NAV3: variants seen among roughly 807,000 people sequenced by gnomAD.
NAV3 encodes the protein pore membrane and/or filament interacting like protein 1.
In NAV3, 87 loss-of-function variants were observed where a neutral mutation model predicts 244.7. That is an observed-to-expected ratio of 0.36 (90% CI 0.30 to 0.42). The LOEUF (loss-of-function observed/expected upper bound fraction) is 0.42, where lower values mean the gene tolerates loss of function less well. Among genes scored for constraint, NAV3 ranks in the 20% least tolerant of loss-of-function variants. The pLI, the probability that NAV3 is intolerant of heterozygous loss-of-function variation, is 1.00. For synonymous variants in NAV3, 1,126 were observed against 1,042.2 expected (o/e 1.08, Z -1.55); for missense variants, 2,663 against 2,893.3 (o/e 0.92, Z 1.83).
intron 1 of NAV3, among the ~76,000 whole-genome samples, chr12:77,833,698 C>T (rs1333661356): frequency 6.6e-6 from 1 of 152,212 alleles, no homozygotes; most frequent in African/African-American, 2.4e-5. Context: ...TCTGGGTTCT[C>T]GCCTTGGTTC....
chr12:78,197,459 C>T, intron 35 of NAV3, 58 bp downstream of exon 35: 3 of 1,344,860 alleles, frequency 2.2e-6, no homozygotes, highest in Non-Finnish European at 3.0e-6. Context: ...TCAAATTTGC[C>T]TTCTTGTACC....
chr12:77,799,793 A>C (rs946128542), intron 2 of NAV3, among the ~76,000 whole-genome samples: 16 of 152,194 alleles, frequency 1.1e-4, no homozygotes, highest in African/African-American at 3.9e-4. Flanking sequence ...GTACCATATC[A>C]CAAATGTTAC....
At chr12:77,994,935 T>G in intron 6 of NAV3, 64 bp downstream of exon 6, 3 of 1,224,784 alleles carry the variant, frequency 2.4e-6, no homozygotes, top group African/African-American at 1.5e-5. Context: ...CAGTGATATT[T>G]TGTCCTATCT....
chr12:78,101,065 T>A (rs1357344834), intron 12 of NAV3, among the ~76,000 whole-genome samples: 2 of 152,164 alleles, frequency 1.3e-5, no homozygotes, highest in Admixed American at 1.3e-4. Context: ...ATTTGGAGTG[T>A]TAGAATGAGG....
At chr12:77,858,924 A>G (rs113413089) in intron 1 of NAV3, among the ~76,000 whole-genome samples, 3 of 152,160 alleles carry the variant, frequency 2.0e-5, no homozygotes, top group Admixed American at 6.5e-5. Flanking sequence ...ATGATTTCCT[A>G]CTGAGGGAGA....
At chr12:78,088,637 T>A (rs944876178) in intron 12 of NAV3, 1 of 152,134 alleles carries the variant, frequency 6.6e-6, no homozygotes, top group Non-Finnish European at 1.5e-5. Flanking sequence ...TAAGCAAACC[T>A]CTAATCCGGA....
intron 2 of NAV3, among the ~76,000 whole-genome samples, chr12:77,761,981 T>A (rs1198994238): frequency 9.3e-6 from 1 of 107,474 alleles, no homozygotes; most frequent in Non-Finnish European, 1.9e-5. Flanking sequence ...TGCACACATA[T>A]GTTTTTTCAC....
chr12:78,176,596 C>A, intron 26 of NAV3, 137 bp downstream of exon 26: 1 of 801,928 alleles, frequency 1.2e-6, no homozygotes, highest in Non-Finnish European at 2.0e-6. Context: ...TGTGTCTTTT[C>A]ATTTTAATCT....
At chr12:77,970,600 A>G (rs552695103) in intron 5 of NAV3, among the ~76,000 whole-genome samples, 2 of 152,258 alleles carry the variant, frequency 1.3e-5, no homozygotes, top group East Asian at 3.9e-4. Flanking sequence ...GATATTTTTT[A>G]TTATAAAATA....
chr12:77,821,760 A>G (rs898102665), intron 2 of NAV3, among the ~76,000 whole-genome samples: 30 of 152,276 alleles, frequency 2.0e-4, no homozygotes, highest in African/African-American at 6.7e-4. Context: ...ACATCTCAAC[A>G]TTTTTGGCCG....
At chr12:78,104,640 T>C (rs1954709919) in intron 12 of NAV3, among the ~76,000 whole-genome samples, 2 of 152,188 alleles carry the variant, frequency 1.3e-5, no homozygotes, top group Non-Finnish European at 2.9e-5. Context: ...ATCCAAACAA[T>C]AATCTTCCAG....
At chr12:77,646,290 G>T (rs952011673) in intron 2 of NAV3, among the ~76,000 whole-genome samples, 5 of 152,134 alleles carry the variant, frequency 3.3e-5, no homozygotes, top group Non-Finnish European at 5.9e-5. Context: ...TCTAAAGCAC[G>T]CTATATAATT....
intron 9 of NAV3, among the ~76,000 whole-genome samples, chr12:78,044,306 C>CA (rs1241001949): frequency 5.3e-5 from 8 of 152,082 alleles, no homozygotes; most frequent in South Asian, 4.2e-4. Flanking sequence ...GTTTTGGTAC[C>CA]AGTACCATGC....
At chr12:77,736,357 C>T (rs1360675764) in intron 2 of NAV3, among the ~76,000 whole-genome samples, 3 of 152,190 alleles carry the variant, frequency 2.0e-5, no homozygotes, top group Non-Finnish European at 4.4e-5. Flanking sequence ...ATTTTCAAAA[C>T]AGTATCATTT....
Position 77,786,093 on chromosome 12 carries a change from C to T in NAV3, c.73-154226C>T, listed in dbSNP as rs1870892137. 1.3e-5 allele frequency among the ~76,000 whole-genome samples: 2 copies of T among 152,086 alleles called. 1 individual carries two copies. The highest frequency in any genetic ancestry group is 4.1e-4 in the South Asian group (2 of 4,828). ...CCCATGAAGTCTTTCCAGTAAAAAT[C>T]CTTGCAGTTAAGATTTTTGCCAAAT... On this transcript the variant is annotated intron_variant, in intron 2 of 8. Transcript: ENST00000550042.
At chr12:77,827,500 T>G, upstream of NAV3, among the ~76,000 whole-genome samples, 1 of 152,154 alleles carries the variant, frequency 6.6e-6, no homozygotes, top group Non-Finnish European at 1.5e-5. Flanking sequence ...CAGCTTAGCT[T>G]TAGAAGGTAT....
intron 37 of NAV3, 60 bp downstream of exon 37, chr12:78,199,591 G>T: frequency 8.1e-7 from 1 of 1,238,644 alleles, no homozygotes; most frequent in Non-Finnish European, 1.1e-6. Flanking sequence ...GGTAAAGACG[G>T]CCAGATTGGA....
intron 28 of NAV3, 119 bp downstream of exon 28, chr12:78,177,804 C>T: frequency 1.1e-6 from 1 of 880,040 alleles, no homozygotes; most frequent in Non-Finnish European, 1.7e-6. Flanking sequence ...CCTTCTCTTT[C>T]TGTTTTTTCA....
At chr12:78,150,809 C>T (rs1317713058) in intron 22 of NAV3, among the ~76,000 whole-genome samples, 1 of 151,918 alleles carries the variant, frequency 6.6e-6, no homozygotes, top group Non-Finnish European at 1.5e-5. Context: ...TCTAATTATG[C>T]TTGTCACACT....
Sources: gnomAD v4.1 joint callset for allele counts (sites outside exome capture counted in the v4.1 genomes callset) on GRCh38, gnomAD v4.1.1 for gene constraint, MANE v1.5 for transcripts, NCBI Gene and HGNC (gene_info 2026-07-23, HGNC 2026-07-21) for gene names.